TNIK: variants seen among roughly 807,000 people sequenced by gnomAD.
The protein encoded by TNIK is TRAF2 and NCK interacting kinase.
In TNIK, 49 loss-of-function variants were observed where a neutral mutation model predicts 191.3. That is an observed-to-expected ratio of 0.26 (90% CI 0.20 to 0.32). The LOEUF (loss-of-function observed/expected upper bound fraction) is 0.32, where lower values mean the gene tolerates loss of function less well. TNIK is among the 10% of genes least tolerant of loss of function. The pLI, the probability that TNIK is intolerant of heterozygous loss-of-function variation, is 1.00. For missense variants in TNIK, 1,155 were observed against 1,702.3 expected (o/e 0.68, Z 5.66); for synonymous variants, 594 against 600.9 (o/e 0.99, Z 0.17).
chr3:171,181,921 G>T (rs974214004), intron 7 of TNIK, among the ~76,000 whole-genome samples: 1 of 152,174 alleles, frequency 6.6e-6, no homozygotes, highest in African/African-American at 2.4e-5. Flanking sequence ...AAATGGAGAG[G>T]TCTCATTTGT....
rs574471065 is a variant in TNIK, at chr3:171,410,264, G to C, written c.58-40579C>G. 9.2e-5 allele frequency among the ~76,000 whole-genome samples: 14 copies of C among 152,286 alleles called. No homozygotes were observed. In the South Asian group the frequency reaches 2.5e-3, roughly 27 times the overall value. ...AAGTAGTAATTTTATTATCTTTCAT[G>C]GTTCTAGTAGCTTTTACTTTGCAGC... On this transcript the variant is annotated intron_variant, in intron 1 of 32. Coordinates refer to ENST00000436636, the MANE Select transcript of TNIK (RefSeq NM_015028.4).
At chr3:171,249,056 T>TA (rs1745932277) in intron 2 of TNIK, among the ~76,000 whole-genome samples, 1 of 152,256 alleles carries the variant, frequency 6.6e-6, no homozygotes, top group Non-Finnish European at 1.5e-5. Flanking sequence ...CTCTGGTTAT[T>TA]ACCCATAGTG....
chr3:171,072,844 T>C (rs563992996), intron 28 of TNIK, among the ~76,000 whole-genome samples: 1 of 151,570 alleles, frequency 6.6e-6, no homozygotes, highest in South Asian at 2.1e-4. Flanking sequence ...CACACACCCC[T>C]AGGATAATAC....
chr3:171,415,085 C>A (rs905117703), intron 1 of TNIK, among the ~76,000 whole-genome samples: 1 of 152,162 alleles, frequency 6.6e-6, no homozygotes, highest in African/African-American at 2.4e-5. Flanking sequence ...CTGCCTGGCT[C>A]TTTCTCAGAC....
chr3:171,297,950 A>G (rs895281130), intron 2 of TNIK, among the ~76,000 whole-genome samples: 6 of 152,248 alleles, frequency 3.9e-5, no homozygotes, highest in African/African-American at 1.2e-4. Flanking sequence ...TGCACCTGCA[A>G]TACTAACACC....
intron 3 of TNIK, among the ~76,000 whole-genome samples, chr3:171,216,404 C>A (rs183685171): frequency 5.3e-5 from 8 of 152,308 alleles, no homozygotes; most frequent in Non-Finnish European, 1.5e-5. Flanking sequence ...TAAAGTTATA[C>A]ATCAACTCTA....
intron 1 of TNIK, among the ~76,000 whole-genome samples, chr3:171,400,164 C>G (rs369233763): frequency 6.6e-6 from 1 of 152,192 alleles, no homozygotes; most frequent in East Asian, 1.9e-4. Flanking sequence ...CCCTTGCCAT[C>G]TAGGACAAAA....
At chr3:171,398,579 A>G (rs911418074) in intron 1 of TNIK, among the ~76,000 whole-genome samples, 4 of 152,120 alleles carry the variant, frequency 2.6e-5, no homozygotes, top group Non-Finnish European at 4.4e-5. Context: ...CTCAGCTCCC[A>G]TTGTCCTTCT....
At chr3:171,425,060 T>C (rs1273264227) in intron 1 of TNIK, among the ~76,000 whole-genome samples, 1 of 152,136 alleles carries the variant, frequency 6.6e-6, no homozygotes, top group South Asian at 2.1e-4. Flanking sequence ...AACCGAACTC[T>C]TTACATTAAA....
chr3:171,207,602 AG>A (rs1164604785), intron 4 of TNIK, among the ~76,000 whole-genome samples: 1 of 152,148 alleles, frequency 6.6e-6, no homozygotes, highest in African/African-American at 2.4e-5. Context: ...AGGGAGAGCA[AG>A]GGGGACTTCC....
In TNIK at chr3:171,410,550, C is replaced by T. The variant is rs543075056; in HGVS notation, c.58-40865G>A. On this transcript the variant is annotated intron_variant, in intron 1 of 32. Transcript: ENST00000436636. ...ATCCCAGCACTTTGGGAGGCGGAGG[C>T]GGGCGGATCACAAGGTCAGGAGATC... 6.6e-4 allele frequency among the ~76,000 whole-genome samples: 101 copies of T among 152,144 alleles called. 1 individual carries two copies. The highest frequency in any genetic ancestry group is 6.2e-3 in the South Asian group (30 of 4,820).
At chr3:171,240,560 C>T (rs1242559925) in intron 2 of TNIK, among the ~76,000 whole-genome samples, 1 of 152,054 alleles carries the variant, frequency 6.6e-6, no homozygotes, top group African/African-American at 2.4e-5. Flanking sequence ...CTATTCCCCC[C>T]CAGTCCCCGA....
In TNIK at chr3:171,301,594, C is replaced by T. The variant is rs139724623; in HGVS notation, c.123+68026G>A. Among the ~76,000 whole-genome samples, 1,187 of 152,244 alleles carry T rather than the reference C, an allele frequency of 7.8e-3. 12 individuals are homozygous for T. Among genetic ancestry groups the T allele is most frequent in the African/African-American group, 0.027 (1,112 of 41,534 alleles). ...CCTCCCAAAGTGCTGGGATTACAGG[C>T]GTGAGCCACCACATCCAGCCTTAGC... On this transcript the variant is annotated intron_variant, in intron 2 of 32. Transcript: ENST00000436636.
chr3:171,092,459 T>G (rs1722200150), intron 23 of TNIK, among the ~76,000 whole-genome samples: 2 of 152,214 alleles, frequency 1.3e-5, no homozygotes, highest in Non-Finnish European at 2.9e-5. Flanking sequence ...AGCAACTCAC[T>G]CCAGAACGTT....
chr3:171,115,591 G>C (rs1726567080), intron 18 of TNIK, among the ~76,000 whole-genome samples: 1 of 152,244 alleles, frequency 6.6e-6, no homozygotes, highest in Admixed American at 6.5e-5. Context: ...GGAACAGTCG[G>C]AGCAGACATA....
At chr3:171,162,932 A>G (rs74817104) in intron 10 of TNIK, among the ~76,000 whole-genome samples, 33 of 152,370 alleles carry the variant, frequency 2.2e-4, no homozygotes, top group Non-Finnish European at 4.6e-4. Context: ...AGGAACAGCT[A>G]GTGCCACTGG....
At chr3:171,419,430 G>A (rs1723483965) in intron 1 of TNIK, among the ~76,000 whole-genome samples, 1 of 152,182 alleles carries the variant, frequency 6.6e-6, no homozygotes, top group Admixed American at 6.5e-5. Flanking sequence ...TGTACTGATG[G>A]TTGCACAGCT....
intron 28 of TNIK, 37 bp from the exon 29 acceptor site, chr3:171,071,360 A>G (rs765329096): frequency 1.1e-4 from 151 of 1,398,462 alleles, no homozygotes; most frequent in Non-Finnish European, 1.4e-4. Context: ...AAGTACATCA[A>G]TTTACTCAAG....
intron 1 of TNIK, among the ~76,000 whole-genome samples, chr3:171,429,040 T>C (rs1330999869): frequency 6.6e-6 from 1 of 152,136 alleles, no homozygotes; most frequent in Non-Finnish European, 1.5e-5. Context: ...TCAAGTACTG[T>C]ATTCCTATAT....
Sources: gnomAD v4.1 joint callset for allele counts (sites outside exome capture counted in the v4.1 genomes callset) on GRCh38, gnomAD v4.1.1 for gene constraint, MANE v1.5 for transcripts, NCBI Gene and HGNC (gene_info 2026-07-23, HGNC 2026-07-21) for gene names.